KCNMA1: variants seen among roughly 807,000 people sequenced by gnomAD.
KCNMA1 encodes potassium calcium-activated channel subfamily M alpha 1.
Under a neutral mutation model 140.0 loss-of-function variants are expected in KCNMA1, and 29 were observed. The observed-to-expected ratio is 0.21, with a 90% CI of 0.15 to 0.28. KCNMA1 has a LOEUF of 0.28. KCNMA1 is among the 10% of genes least tolerant of loss of function. The pLI, the probability that KCNMA1 is intolerant of heterozygous loss-of-function variation, is 1.00. For missense variants in KCNMA1, 880 were observed against 1,602.2 expected, an observed-to-expected ratio of 0.55 and a Z score of 7.70; for synonymous variants, 612 against 611.9, an observed-to-expected ratio of 1.00 and a Z score of 0.00.
intron 3 of KCNMA1, among the ~76,000 whole-genome samples, chr10:77,199,129 T>G (rs2041667723): frequency 6.6e-6 from 1 of 152,214 alleles, no homozygotes; most frequent in Non-Finnish European, 1.5e-5. Context: ...TGTTTCCACT[T>G]GATCACAATT....
intron 5 of KCNMA1, among the ~76,000 whole-genome samples, chr10:77,169,421 A>C (rs1383051692): frequency 6.6e-6 from 1 of 151,788 alleles, no homozygotes; most frequent in Non-Finnish European, 1.5e-5. Flanking sequence ...ATGGGATTTC[A>C]CTGTATTGCC....
chr10:77,083,098 C>A (rs974807789), intron 12 of KCNMA1, among the ~76,000 whole-genome samples: 2 of 152,122 alleles, frequency 1.3e-5, no homozygotes, highest in African/African-American at 4.8e-5. Flanking sequence ...AGAGGGGGAA[C>A]CTTCGGCCCG....
chr10:76,895,501 G>C (rs2042090399), intron 25 of KCNMA1, among the ~76,000 whole-genome samples: 1 of 152,152 alleles, frequency 6.6e-6, no homozygotes, highest in Non-Finnish European at 1.5e-5. Context: ...GTTTATAGCA[G>C]CATTATTGGT....
chr10:77,637,577 A>G lies in KCNMA1; in HGVS notation c.66T>C (p.Ser22=). The G allele has an allele frequency of 6.5e-7, 1 of 1,534,830 alleles. No individual in the cohort carries two copies. Among genetic ancestry groups the G allele is most frequent in the Non-Finnish European group, 8.7e-7 (1 of 1,142,924 alleles). Residue 22 remains serine (S), a synonymous_variant, in exon 1 of 28, where the codon AGT becomes AGC. Coordinates refer to ENST00000286628, the MANE Select transcript of KCNMA1 (RefSeq NM_001161352.2). The stretch of plus-strand genomic sequence containing the variant: ...CGTGGATATTGCTACTCATTCTAAG[A>G]CTGCTGCCTCCGCCGCCGCCGCCGC... ...SGGGGGGGGS[S]LRMSSNIHAN...
chr10:77,324,755 C>T (rs2083383713), intron 2 of KCNMA1, among the ~76,000 whole-genome samples: 1 of 152,148 alleles, frequency 6.6e-6, no homozygotes, highest in Non-Finnish European at 1.5e-5. Flanking sequence ...TCAATTCATG[C>T]TTCTTCTTGC....
intron 7 of KCNMA1, 137 bp from the exon 8 acceptor site, chr10:77,110,480 G>C (rs565404007): frequency 3.3e-5 from 26 of 794,292 alleles, no homozygotes; most frequent in Middle Eastern, 3.5e-4. Flanking sequence ...TGTGGTTCCC[G>C]GGCTGAGTTC....
intron 3 of KCNMA1, among the ~76,000 whole-genome samples, chr10:77,235,344 AT>A (rs1326899598): frequency 1.3e-5 from 2 of 152,188 alleles, no homozygotes; most frequent in Non-Finnish European, 2.9e-5. Flanking sequence ...CTTTGACCTC[AT>A]CAAGTTTTAC....
chr10:76,944,455 T>C (rs1259251287), intron 23 of KCNMA1, among the ~76,000 whole-genome samples: 2 of 152,206 alleles, frequency 1.3e-5, no homozygotes, highest in Non-Finnish European at 2.9e-5. Context: ...CAGCTTCTTT[T>C]CAGTGCTCTG....
At chr10:76,926,629 T>A (rs1241064406) in intron 23 of KCNMA1, among the ~76,000 whole-genome samples, 2 of 152,254 alleles carry the variant, frequency 1.3e-5, no homozygotes, top group Admixed American at 6.5e-5. Context: ...TGTAGCAATG[T>A]CCCAAATCCC....
chr10:77,370,822 G>A (rs1566341041), intron 2 of KCNMA1, among the ~76,000 whole-genome samples: 1 of 152,174 alleles, frequency 6.6e-6, no homozygotes, highest in Non-Finnish European at 1.5e-5. Flanking sequence ...CCAACTCTGT[G>A]ACCTTGACCT....
chr10:77,208,324 G>A (rs888137677), intron 3 of KCNMA1, among the ~76,000 whole-genome samples: 6 of 152,066 alleles, frequency 3.9e-5, no homozygotes, highest in African/African-American at 1.4e-4. Context: ...ACCTCAACAG[G>A]CATTAAACCT....
rs986130205 is a variant in KCNMA1 at position 77,364,809 on chromosome 10, G to A, written c.540+39053C>T. ...TGGCATCCTCCTCCTCCACAGCAGA[G>A]GAGACTACTTAGGCAATGAGATGAA... On this transcript the variant is annotated intron_variant, in intron 2 of 27. Coordinates refer to ENST00000286628, the MANE Select transcript of KCNMA1 (RefSeq NM_001161352.2). Among the ~76,000 whole-genome samples, 7 of 152,194 alleles carry A rather than the reference G, an allele frequency of 4.6e-5. No homozygotes were observed. In the East Asian group the frequency reaches 1.4e-3, roughly 29 times the overall value.
intron 2 of KCNMA1, among the ~76,000 whole-genome samples, chr10:77,265,132 A>ATGAGGTATTTTTTTTTT (rs1555103410): frequency 2.6e-5 from 4 of 152,068 alleles, no homozygotes; most frequent in Non-Finnish European, 5.9e-5. Context: ...TCTCACTGCA[A>ATGAGGTATTTTTTTTTT]CTTCTGCCTC....
At chr10:77,571,580 C>G (rs1406522029) in intron 1 of KCNMA1, among the ~76,000 whole-genome samples, 3 of 152,166 alleles carry the variant, frequency 2.0e-5, no homozygotes, top group Non-Finnish European at 4.4e-5. Context: ...CCTTTGCCCC[C>G]CTGCAGATGT....
chr10:77,378,520 T>G (rs1227390731), intron 2 of KCNMA1, among the ~76,000 whole-genome samples: 1 of 152,182 alleles, frequency 6.6e-6, no homozygotes, highest in Non-Finnish European at 1.5e-5. Context: ...CCATATGCAT[T>G]CAAGAGAAAA....
intron 2 of KCNMA1, among the ~76,000 whole-genome samples, chr10:77,363,699 C>A (rs774878335): frequency 5.3e-5 from 8 of 152,212 alleles, no homozygotes; most frequent in Non-Finnish European, 1.2e-4. Flanking sequence ...GGCTTCACTT[C>A]TCCTTCCTTG....
intron 14 of KCNMA1, among the ~76,000 whole-genome samples, chr10:77,067,141 T>C (rs1303399413): frequency 6.6e-6 from 1 of 152,162 alleles, no homozygotes; most frequent in African/African-American, 2.4e-5. Context: ...GAGATTAACA[T>C]TTGAATTTGT....
chr10:76,988,305 G>A (rs1471295332), intron 19 of KCNMA1, among the ~76,000 whole-genome samples: 1 of 152,076 alleles, frequency 6.6e-6, no homozygotes, highest in Non-Finnish European at 1.5e-5. Flanking sequence ...ACAAGAAACA[G>A]AGCCCAGCTA....
chr10:77,556,562 A>G (rs1011007392), intron 1 of KCNMA1, among the ~76,000 whole-genome samples: 1 of 151,264 alleles, frequency 6.6e-6, no homozygotes, highest in Non-Finnish European at 1.5e-5. Context: ...AGTCTATGGA[A>G]GTGATGATGA....
Sources: allele counts gnomAD v4.1 joint callset (sites outside exome capture counted in the v4.1 genomes callset), GRCh38; gene constraint gnomAD v4.1.1; transcripts MANE v1.5; gene names NCBI Gene and HGNC (gene_info 2026-07-23, HGNC 2026-07-21).